Variants in KNTC1 observed in about 807,000 individuals in gnomAD.
The protein encoded by KNTC1 is kinetochore associated 1, also known as kinetochore-associated protein 1.
KNTC1 carries 253 observed loss-of-function variants against 314.4 expected under a neutral mutation model. That is an observed-to-expected ratio of 0.80 (90% CI 0.73 to 0.89). The LOEUF (loss-of-function observed/expected upper bound fraction) is 0.89, where lower values mean the gene tolerates loss of function less well. KNTC1 is among the 40% of genes least tolerant of loss of function. The pLI, the probability that KNTC1 is intolerant of heterozygous loss-of-function variation, is 0.00. For synonymous variants in KNTC1, 901 were observed against 901.4 expected (o/e 1.00, Z 0.01); for missense variants, 2,475 against 2,572.9 (o/e 0.96, Z 0.82).
At position 122,624,664 on chromosome 12, in the gene KNTC1, C is replaced by G. The variant is rs1874821374; in HGVS notation, c.6582C>G (p.Asp2194Glu). Residue 2194 changes from aspartate (D) to glutamate (E), a missense_variant, in exon 63 of 64, where the codon GAC becomes GAG. Asp to Glu is a conservative substitution (Grantham distance 45, BLOSUM62 2). Transcript: ENST00000333479. ...ACTGCGGGAAACCTGTGCCTCCAGA[C>G]ACTGCTCCCTGTGAAATTCTGAAGG... Reference protein sequence around the residue: ...SKHCGKPVPPDTAPCEILKMF... With the variant: ...SKHCGKPVPPETAPCEILKMF... 1.2e-6 allele frequency: 2 copies of G among 1,613,040 alleles called. No homozygotes were observed. Among genetic ancestry groups the G allele is most frequent in the Non-Finnish European group, 8.5e-7 (1 of 1,179,156 alleles).
chr12:122,530,192 G>C lies in KNTC1; in HGVS notation c.129G>C (p.Lys43Asn). Residue 43 changes from lysine (K) to asparagine (N), a missense_variant and splice_region_variant, in exon 2 of 64, where the codon AAG becomes AAC. Physicochemically the swap from Lys to Asn is moderately conservative, Grantham distance 94. Transcript: ENST00000333479. ...TGCTAGTGAAGATCTCTTCTGAAAA[G>C]GTAGTGATTATTACACTGACTGTTT... is the stretch of plus-strand genomic sequence containing the variant. ...VDLLVKISSEKASLNPKIQAC... is the reference protein window; with the variant it reads ...VDLLVKISSENASLNPKIQAC... The C allele has an allele frequency of 2.5e-6, 4 of 1,612,366 alleles. No homozygotes were observed. Among genetic ancestry groups the C allele is most frequent in the Non-Finnish European group, 3.4e-6 (4 of 1,179,040 alleles).
At position 122,614,998 on chromosome 12, in the gene KNTC1, G is replaced by A; in HGVS notation, c.5885G>A (p.Arg1962Lys). 6.2e-7 allele frequency: 1 copy of A among 1,612,414 alleles called. No individual in the cohort carries two copies. The highest frequency in any genetic ancestry group is 8.5e-7 in the Non-Finnish European group (1 of 1,179,106). The change falls in exon 56 of 64, where the codon AGA becomes AAA. Residue 1962 changes from arginine (R) to lysine (K), a missense_variant. Physicochemically the swap from Arg to Lys is conservative, Grantham distance 26 (BLOSUM62 2). Transcript: ENST00000333479. ...TTCTTTTTTTGGCTTCAGGCAGTAA[G>A]ATTGGTGACTGAGCTGTGTTTAGAA... ...KNHSHESMAV[R>K]LVTELCLEYK... is the part of the protein sequence containing the mutation.
At chr12:122,528,942 A>G (rs1228006172) in intron 1 of KNTC1, among the ~76,000 whole-genome samples, 2 of 152,122 alleles carry the variant, frequency 1.3e-5, no homozygotes, top group Non-Finnish European at 2.9e-5. Flanking sequence ...TCCCGGGTTC[A>G]AGCAATTCTA....
At chr12:122,587,594 A>G (rs998564368) in intron 38 of KNTC1, 117 bp from the exon 39 acceptor site, 2 of 726,946 alleles carry the variant, frequency 2.8e-6, no homozygotes, top group African/African-American at 3.6e-5. Flanking sequence ...ACTGAGAACA[A>G]ACTCCATGAC....
At chr12:122,533,170 CTTT>C (rs1177191171) in intron 2 of KNTC1, among the ~76,000 whole-genome samples, 4 of 143,488 alleles carry the variant, frequency 2.8e-5, no homozygotes, top group Admixed American at 7.0e-5. Flanking sequence ...CGTTCCTTTT[CTTT>C]TTTTTTTTTT....
intron 3 of KNTC1, 81 bp from the exon 4 acceptor site, chr12:122,538,258 A>G: frequency 1.3e-6 from 1 of 791,026 alleles, no homozygotes; most frequent in African/African-American, 1.7e-5. Flanking sequence ...TTGGCTTTTT[A>G]ATGAGAAAAA....
At position 122,615,119 on chromosome 12, in the gene KNTC1, A is replaced by G. The variant is rs770585330; in HGVS notation, c.5973+33A>G. On this transcript the variant is annotated intron_variant, in intron 56 of 63. Coordinates refer to ENST00000333479, the MANE Select transcript of KNTC1 (RefSeq NM_014708.6). ...AGACTCAATGCCCTCGACTAAGTAT[A>G]TTTGAAAGCTTTTGCACAGCATCCC... 1.9e-5 allele frequency: 28 copies of G among 1,469,430 alleles called. 1 individual carries two copies. Among genetic ancestry groups the G allele is most frequent in the Non-Finnish European group, 2.6e-5 (28 of 1,059,556 alleles). The allele number at this position is 1,469,430 out of a possible 1,614,324, so 91.0% of individuals were successfully genotyped here.
intron 5 of KNTC1, 53 bp downstream of exon 5, chr12:122,539,807 A>C: frequency 8.9e-7 from 1 of 1,119,506 alleles, no homozygotes; most frequent in South Asian, 1.5e-5. Flanking sequence ...TTTTTAATGG[A>C]GTCTCCCTTT....
Position 122,541,290 on chromosome 12 carries a change from T to TGCCTTCCTTCCTTCCG in KNTC1, c.446-760_446-759insGCCTTCCTTCCTTCCG, listed in dbSNP as rs1431837076. ...CTGCCTGCCTGCCTGCCTGCCTGCC[T>TGCCTTCCTTCCTTCCG]TCCTTCCTTCCTTCCTTCCTTCCTT... On this transcript the variant is annotated intron_variant, in intron 5 of 63. Coordinates refer to ENST00000333479, the MANE Select transcript of KNTC1 (RefSeq NM_014708.6). Among the ~76,000 whole-genome samples, 9 of 138,566 alleles carry TGCCTTCCTTCCTTCCG rather than the reference T, an allele frequency of 6.5e-5. No individual in the cohort carries two copies. In the East Asian group the frequency reaches 1.6e-3, roughly 25 times the overall value. 90.9% of individuals were successfully genotyped at this position (138,566 alleles called of 152,430 possible).
chr12:122,594,414 T>G, intron 43 of KNTC1, 29 bp downstream of exon 43: 3 of 1,269,878 alleles, frequency 2.4e-6, no homozygotes, highest in Non-Finnish European at 3.4e-6. Flanking sequence ...ACGGTATTTT[T>G]GCTGTTAACA....
intron 44 of KNTC1, among the ~76,000 whole-genome samples, chr12:122,600,425 T>G (rs1385069881): frequency 6.6e-6 from 1 of 152,122 alleles, no homozygotes; most frequent in Admixed American, 6.5e-5. Context: ...TGTGTTAATA[T>G]GTATATATGC....
chr12:122,591,574 T>G lies in KNTC1; in HGVS notation c.4245+121T>G, dbSNP rs147035998. 3 of 637,696 alleles carry G rather than the reference T, an allele frequency of 4.7e-6. No homozygotes were observed. In the South Asian group the frequency reaches 5.5e-5, roughly 12 times the overall value. 39.5% of individuals were successfully genotyped at this position (637,696 alleles called of 1,614,324 possible). On this transcript the variant is annotated intron_variant, in intron 42 of 63. Transcript: ENST00000333479. The stretch of plus-strand genomic sequence containing the variant: ...AGTGTATGTGTACTGCCTCATACAT[T>G]TTATTAACTACACACATAGGTGCTT...
rs117294549 is a variant in KNTC1, at chr12:122,606,720, C to T, written c.5496+1305C>T. 5.6e-3 allele frequency among the ~76,000 whole-genome samples: 846 copies of T among 151,912 alleles called. 5 individuals carry two copies. Among genetic ancestry groups the T allele is most frequent in the Non-Finnish European group, 9.5e-3 (645 of 67,962 alleles). ...AAGAATTCCTATATACACCTTTCAC[C>T]GAGATCCATGAATTTTTAACATTTT... is the stretch of plus-strand genomic sequence containing the variant. On this transcript the variant is annotated intron_variant, in intron 51 of 63. Transcript: ENST00000333479.
intron 53 of KNTC1, 89 bp from the exon 54 acceptor site, chr12:122,613,023 G>T (rs980538216): frequency 2.7e-6 from 2 of 729,992 alleles, no homozygotes; most frequent in Non-Finnish European, 2.5e-6. Context: ...TTAAAATAAT[G>T]ACGTTGTTTA....
chr12:122,620,490 C>G lies in KNTC1; in HGVS notation c.6161C>G (p.Ser2054Ter). Residue 2054 changes from serine (S) to a stop codon, truncating the protein, a stop_gained, in exon 60 of 64, where the codon TCA becomes TGA. Transcript: ENST00000333479. LOFTEE classifies it high-confidence loss of function. ...SLIAVLECPV[S>*]GDLDLIGVAR... ...GTTCTCTCTCGAAGATGTCCAGTCTCAGGTGATCTTGACCTGATCGGAGTC... is the reference window on the plus strand; with the variant it reads ...GTTCTCTCTCGAAGATGTCCAGTCTGAGGTGATCTTGACCTGATCGGAGTC... The G allele has an allele frequency of 3.1e-6, 5 of 1,613,036 alleles. No individual in the cohort carries two copies. Among genetic ancestry groups the G allele is most frequent in the Non-Finnish European group, 4.2e-6 (5 of 1,179,340 alleles).
Position 122,611,917 on chromosome 12 carries a change from AT to A in KNTC1, c.5622+1029del, listed in dbSNP as rs11372194. On this transcript the variant is annotated intron_variant, in intron 53 of 63. Coordinates refer to ENST00000333479, the MANE Select transcript of KNTC1 (RefSeq NM_014708.6). ...ATGTTTGGTTTTTAGAACTTTGTGG[AT>A]TTTTTTTTTTTCTTGAGTATTTTTG... is the stretch of plus-strand genomic sequence containing the variant. Among the ~76,000 whole-genome samples the A allele has an allele frequency of 1.4e-3, 200 of 145,968 alleles. 1 individual carries two copies. The highest frequency in any genetic ancestry group is 2.5e-3 in the African/African-American group (102 of 40,132).
intron 8 of KNTC1, among the ~76,000 whole-genome samples, chr12:122,544,808 T>G (rs1251287159): frequency 2.0e-5 from 3 of 152,252 alleles, no homozygotes; most frequent in Non-Finnish European, 4.4e-5. Context: ...GTAAATTTTT[T>G]GCCCATCCAG....
chr12:122,545,428 A>C (rs1453066510), intron 8 of KNTC1, among the ~76,000 whole-genome samples: 1 of 149,818 alleles, frequency 6.7e-6, no homozygotes, highest in Non-Finnish European at 1.5e-5. Flanking sequence ...GAGAAGAAAC[A>C]AAAAAGAGAG....
intron 37 of KNTC1, 65 bp downstream of exon 37, chr12:122,585,839 G>A (rs544183156): frequency 4.0e-5 from 61 of 1,513,488 alleles, no homozygotes; most frequent in Non-Finnish European, 5.0e-5. Flanking sequence ...AACTGTAGAG[G>A]TTTGGAGCTA....
Sources: gnomAD v4.1 joint callset for allele counts (sites outside exome capture counted in the v4.1 genomes callset) on GRCh38, gnomAD v4.1.1 for gene constraint, MANE v1.5 for transcripts, NCBI Gene and HGNC (gene_info 2026-07-23, HGNC 2026-07-21) for gene names.